Variants in SYT13 observed in about 807,000 individuals in gnomAD.
The protein encoded by SYT13 is synaptotagmin-13.
In SYT13, 21 loss-of-function variants were observed where a neutral mutation model predicts 38.6. The ratio of observed to expected loss-of-function variants is 0.54; its 90% CI spans 0.39 to 0.78. The LOEUF (loss-of-function observed/expected upper bound fraction) is 0.78. Ranked by LOEUF, SYT13 falls within the 30% of genes least tolerant of loss-of-function variation. The probability of loss-of-function intolerance (pLI) is 0.00; values close to 1 mark genes in which losing one functional copy is unlikely to be tolerated. For synonymous variants in SYT13, 241 were observed against 237.6 expected, an observed-to-expected ratio of 1.01 and a Z score of -0.13; for missense variants, 495 against 548.7, an observed-to-expected ratio of 0.90 and a Z score of 0.98.
intron 1 of SYT13, among the ~76,000 whole-genome samples, chr11:45,263,538 G>A (rs1041336323): frequency 1.3e-5 from 2 of 152,156 alleles, no homozygotes; most frequent in East Asian, 1.9e-4. Context: ...TAAAAAAGGG[G>A]AGGGCAGAGA....
intron 5 of SYT13, among the ~76,000 whole-genome samples, chr11:45,246,138 C>T (rs1854611216): frequency 6.6e-6 from 1 of 152,194 alleles, no homozygotes; most frequent in Non-Finnish European, 1.5e-5. Context: ...AGGTAGCTCA[C>T]ACTGGGGTCC....
intron 1 of SYT13, among the ~76,000 whole-genome samples, chr11:45,258,738 T>C (rs1259227056): frequency 6.6e-6 from 1 of 151,834 alleles, no homozygotes; most frequent in Non-Finnish European, 1.5e-5. Flanking sequence ...ACTGAGACCT[T>C]GAAAGAGAGG....
In SYT13 at chr11:45,286,309, C is replaced by G. The variant is rs966222529; in HGVS notation, c.-102G>C. ...CCGGGATCCGGGCGAGCCAGCAGCTCTCCCGCCGCCAGAGGGGCGGGGACG... is the reference window on the plus strand; with the variant it reads ...CCGGGATCCGGGCGAGCCAGCAGCTGTCCCGCCGCCAGAGGGGCGGGGACG... On this transcript the variant is annotated 5_prime_UTR_variant, in exon 1 of 6. Coordinates refer to ENST00000020926, the MANE Select transcript of SYT13 (RefSeq NM_020826.3). 6 of 1,345,726 alleles carry G rather than the reference C, an allele frequency of 4.5e-6. No homozygotes were observed. Among genetic ancestry groups the G allele is most frequent in the Non-Finnish European group, 5.9e-6 (6 of 1,025,608 alleles). The allele number at this position is 1,345,726 out of a possible 1,614,324, so 83.4% of individuals were successfully genotyped here.
exon 1 of SYT13, chr11:45,286,325 GGCGGGGACGGAGGGAGGGAGGACGGCT>G: frequency 1.6e-6 from 2 of 1,244,842 alleles, no homozygotes; most frequent in African/African-American, 3.2e-5. Context: ...CCGCCAGAGG[GGCGGGGACGGAGGGAGGGAGGACGGCT>G]GCGAGGACGT....
chr11:45,243,974 A>G lies in SYT13; in HGVS notation c.*78T>C. 6.9e-7 allele frequency: 1 copy of G among 1,441,776 alleles called. No individual in the cohort carries two copies. Among genetic ancestry groups the G allele is most frequent in the African/African-American group, 1.4e-5 (1 of 71,078 alleles). The allele number at this position is 1,441,776 out of a possible 1,614,324, so 89.3% of individuals were successfully genotyped here. ...CTGTCACTGTCTTCTGGGTGTCAGA[A>G]TGAGGAAAGGGGCACAGAAAGGAGG... On this transcript the variant is annotated 3_prime_UTR_variant, in exon 6 of 6. Transcript: ENST00000020926.
Position 45,286,265 on chromosome 11 carries a change from GC to G in SYT13, c.-59del. ...CAGCCGCTCACCTTCCCCGGGCCGGGCCCGCCTCCAGGCAGCTCCCGGGATC... is the reference window on the plus strand; with the variant it reads ...CAGCCGCTCACCTTCCCCGGGCCGGGCCGCCTCCAGGCAGCTCCCGGGATC... On this transcript the variant is annotated 5_prime_UTR_variant, in exon 1 of 6. Coordinates refer to ENST00000020926, the MANE Select transcript of SYT13 (RefSeq NM_020826.3). The G allele has an allele frequency of 2.7e-6, 4 of 1,468,070 alleles. No homozygotes were observed. The highest frequency in any genetic ancestry group is 3.6e-6 in the Non-Finnish European group (4 of 1,112,744). The allele number at this position is 1,468,070 out of a possible 1,614,324, so 90.9% of individuals were successfully genotyped here.
chr11:45,286,079 G>T lies in SYT13; in HGVS notation c.129C>A (p.Asp43Glu). Residue 43 changes from aspartate to glutamate, a missense_variant, in exon 1 of 6, where the codon GAC (aspartate) becomes GAA (glutamate). Physicochemically the swap from Asp to Glu is conservative, Grantham distance 45. Transcript: ENST00000020926. The part of the protein sequence containing the change: ...MHPKKGLLPR[D>E]QDPDLEKAKP... ...TCGCCTTCTCCAGGTCGGGGTCCTG[G>T]TCCCGCGGCAGCAGCCCCTTCTTGG... 1 of 1,609,356 alleles carries T rather than the reference G, an allele frequency of 6.2e-7. No homozygotes were observed.
At chr11:45,248,422 C>A (rs1402650726) in intron 4 of SYT13, among the ~76,000 whole-genome samples, 1 of 152,198 alleles carries the variant, frequency 6.6e-6, no homozygotes, top group African/African-American at 2.4e-5. Flanking sequence ...ATTTTGTTCC[C>A]ATTTTAAGCA....
chr11:45,241,427 T>G lies in SYT13; in HGVS notation c.*2625A>C, dbSNP rs1329884200. ...GAGGTCAAGGCTGACATCTAAGATG[T>G]TCTGTGGCGGAACCTGGCCCCCATC... On this transcript the variant is annotated 3_prime_UTR_variant, in exon 6 of 6. Coordinates refer to ENST00000020926, the MANE Select transcript of SYT13 (RefSeq NM_020826.3). 6.6e-6 allele frequency: 1 copy of G among 152,150 alleles called. No homozygotes were observed. The highest frequency in any genetic ancestry group is 2.4e-5 in the African/African-American group (1 of 41,428). The allele number at this position is 152,150 out of a possible 1,614,324, so 9.4% of individuals were successfully genotyped here. A position where few individuals can be genotyped will look rare whatever the true frequency, so the allele number is the denominator to read the frequency against.
chr11:45,263,020 G>T (rs1302557844), intron 1 of SYT13, among the ~76,000 whole-genome samples: 1 of 152,066 alleles, frequency 6.6e-6, no homozygotes, highest in Non-Finnish European at 1.5e-5. Flanking sequence ...CAGTGACTCA[G>T]TAATGCCCCT....
intron 1 of SYT13, among the ~76,000 whole-genome samples, chr11:45,277,891 C>G (rs780592645): frequency 1.3e-5 from 2 of 152,220 alleles, no homozygotes; most frequent in Non-Finnish European, 2.9e-5. Flanking sequence ...TCTATAAACT[C>G]TGGTTTGCCC....
intron 5 of SYT13, 64 bp downstream of exon 5, chr11:45,246,318 AC>A: frequency 3.8e-6 from 6 of 1,583,636 alleles, no homozygotes; most frequent in Non-Finnish European, 5.1e-6. Flanking sequence ...CCCAGGCACC[AC>A]CTCCCTCAGC....
chr11:45,270,411 T>C (rs559946897), intron 1 of SYT13, among the ~76,000 whole-genome samples: 1 of 152,306 alleles, frequency 6.6e-6, no homozygotes, highest in East Asian at 1.9e-4. Context: ...TTCCTTGGCA[T>C]TGAAATTAGG....
At chr11:45,284,226 G>A (rs562610437) in intron 1 of SYT13, among the ~76,000 whole-genome samples, 2 of 152,196 alleles carry the variant, frequency 1.3e-5, no homozygotes, top group African/African-American at 4.8e-5. Context: ...CAGGTGAGTG[G>A]GTGGAGAGGA....
At position 45,254,390 on chromosome 11, in the gene SYT13, C is replaced by T; in HGVS notation, c.424G>A (p.Val142Ile). Residue 142 changes from valine to isoleucine, a missense_variant, in exon 3 of 6, where the codon GTC (valine) becomes ATC (isoleucine). Val to Ile is a conservative substitution (Grantham distance 29). Coordinates refer to ENST00000020926, the MANE Select transcript of SYT13 (RefSeq NM_020826.3). ...ILPQNGVVEDVCVMETWNPEK... is the reference protein window; with the variant it reads ...ILPQNGVVEDICVMETWNPEK... ...GGGTTCCAGGTCTCCATGACACAGACATCCTCCACCACACCTGTTAAGAAA... is the reference window on the plus strand; with the variant it reads ...GGGTTCCAGGTCTCCATGACACAGATATCCTCCACCACACCTGTTAAGAAA... The T allele has an allele frequency of 3.7e-6, 6 of 1,613,134 alleles. No homozygotes were observed. Among genetic ancestry groups the T allele is most frequent in the Non-Finnish European group, 4.2e-6 (5 of 1,179,644 alleles).
intron 5 of SYT13, among the ~76,000 whole-genome samples, chr11:45,244,799 G>A (rs776599591): frequency 5.3e-5 from 8 of 152,152 alleles, no homozygotes; most frequent in South Asian, 2.1e-4. Context: ...TGTAGGAAAC[G>A]GCCAATACCA....
intron 1 of SYT13, among the ~76,000 whole-genome samples, chr11:45,279,838 T>C (rs934219317): frequency 2.6e-5 from 4 of 152,104 alleles, no homozygotes; most frequent in African/African-American, 4.8e-5. Flanking sequence ...GTTGAATCAG[T>C]TCCAGGAGTG....
Position 45,244,169 on chromosome 11 carries a change from A to C in SYT13, c.1164T>G (p.Cys388Trp), listed in dbSNP as rs1854586858. Residue 388 changes from cysteine to tryptophan, a missense_variant, in exon 6 of 6, where the codon TGT becomes TGG. Coordinates refer to ENST00000020926, the MANE Select transcript of SYT13 (RefSeq NM_020826.3). ...GGCCCAGGCTGCAGTGGCCAAGCGC[A>C]CAGCTCTGCCCTGAATCGTCCTGGC... ...VLGQDDSGQS[C>W]ALGHCSLGLH... 6.2e-7 allele frequency: 1 copy of C among 1,613,944 alleles called. No individual in the cohort carries two copies. Among genetic ancestry groups the C allele is most frequent in the African/African-American group, 1.3e-5 (1 of 74,944 alleles).
intron 1 of SYT13, among the ~76,000 whole-genome samples, chr11:45,282,717 C>T (rs1855088492): frequency 1.3e-5 from 2 of 152,198 alleles, no homozygotes; most frequent in South Asian, 4.1e-4. Flanking sequence ...GTTTTTGTTG[C>T]TATTCCTAAT....
Sources: gnomAD v4.1 joint callset for allele counts (sites outside exome capture counted in the v4.1 genomes callset) on GRCh38, gnomAD v4.1.1 for gene constraint, MANE v1.5 for transcripts, NCBI Gene and HGNC (gene_info 2026-07-23, HGNC 2026-07-21) for gene names.